The following FBN2 variants were observed in gnomAD, a reference collection of about 807,000 sequenced individuals.
FBN2 encodes the protein fibrillin-2.
A neutral mutation model predicts 355.6 loss-of-function variants in FBN2; 105 were observed. That is an observed-to-expected ratio of 0.30 (90% confidence interval 0.25 to 0.35). The LOEUF (loss-of-function observed/expected upper bound fraction) is 0.35. Ranked by LOEUF, FBN2 falls within the 10% of genes least tolerant of loss-of-function variation. The pLI is 1.00. For synonymous variants in FBN2, 1,350 were observed against 1,301.2 expected, an observed-to-expected ratio of 1.04 and a Z score of -0.81; for missense variants, 3,280 against 3,758.7, an observed-to-expected ratio of 0.87 and a Z score of 3.33.
chr5:128,354,505 A>G (rs1162909783), intron 20 of FBN2, among the ~76,000 whole-genome samples: 1 of 152,344 alleles, frequency 6.6e-6, no homozygotes, highest in South Asian at 2.1e-4. Context: ...AGGGCTGCCT[A>G]GTGGCTATGT....
chr5:128,507,572 T>C (rs528211692), intron 5 of FBN2, among the ~76,000 whole-genome samples: 32 of 152,196 alleles, frequency 2.1e-4, no homozygotes, highest in African/African-American at 7.7e-4. Flanking sequence ...TCCACATGCA[T>C]GGAACTCATG....
At chr5:128,443,435 C>A (rs2127051224) in intron 7 of FBN2, among the ~76,000 whole-genome samples, 1 of 152,216 alleles carries the variant, frequency 6.6e-6, no homozygotes, top group Non-Finnish European at 1.5e-5. Context: ...TTGTTTGGAG[C>A]CTACTAAACT....
chr5:128,305,924 G>A lies in FBN2; in HGVS notation c.5447C>T (p.Pro1816Leu), dbSNP rs149537608. Residue 1816 changes from proline (P) to leucine (L), a missense_variant, in exon 43 of 65, where the codon CCA becomes CTA. Physicochemically the swap from Pro to Leu is moderately conservative, Grantham distance 98 (BLOSUM62 -3). Coordinates refer to ENST00000262464, the MANE Select transcript of FBN2 (RefSeq NM_001999.4). ...GCACACACCATTTGCACAAATGCCT[G>A]GAATCTCTTTACATTCATCAATGTC... ...AVDIDECKEI[P>L]GICANGVCIN... 80 of 1,613,430 alleles carry A rather than the reference G, an allele frequency of 5.0e-5. No homozygotes were observed. The highest frequency in any genetic ancestry group is 1.0e-5 in the Non-Finnish European group (12 of 1,179,646).
At chr5:128,321,376 T>C (rs934336350) in intron 34 of FBN2, among the ~76,000 whole-genome samples, 2 of 152,188 alleles carry the variant, frequency 1.3e-5, no homozygotes, top group Non-Finnish European at 2.9e-5. Flanking sequence ...ATGTGTGCCA[T>C]GGTGGTTTGC....
At chr5:128,530,728 C>T in intron 2 of FBN2, 35 bp from the exon 3 acceptor site, 1 of 1,299,412 alleles carries the variant, frequency 7.7e-7, no homozygotes, top group South Asian at 1.2e-5. Flanking sequence ...GAATGAATAA[C>T]TATATAATAA....
chr5:128,288,298 CAAACAAAAAACCCAAA>C, intron 53 of FBN2, 124 bp downstream of exon 53: 8 of 907,434 alleles, frequency 8.8e-6, no homozygotes, highest in African/African-American at 1.7e-5. Context: ...ACCAACCAAC[CAAACAAAAAACCCAAA>C]AAACAAAAAA....
chr5:128,440,365 G>GTACAGGAAGCATGGCTAGGGAAGC (rs1343146912), intron 7 of FBN2, among the ~76,000 whole-genome samples: 2 of 152,144 alleles, frequency 1.3e-5, no homozygotes, highest in Non-Finnish European at 2.9e-5. Context: ...TCTGCAGGCA[G>GTACAGGAAGCATGGCTAGGGAAGC]TACAGGAAGC....
intron 15 of FBN2, chr5:128,371,193 T>G (rs1448684881): frequency 6.6e-6 from 1 of 152,156 alleles, no homozygotes; most frequent in African/African-American, 2.4e-5. Flanking sequence ...TTGAGATAAC[T>G]CACTATTTCC....
rs1194554199 is a variant in FBN2 at position 128,287,332 on chromosome 5, T to C, written c.6856A>G (p.Arg2286Gly). ...CCTTTGCACATCTTTTGATCTTCCC[T>C]GAGGGCATAGCCAATCGGGCACGTG... ...ECTCPIGYAL[R>G]EDQKMCKDLD... Residue 2286 changes from arginine (R) to glycine (G), a missense_variant, in exon 54 of 65, where the codon AGG becomes GGG. Arg to Gly is a moderately radical substitution (Grantham distance 125). Transcript: ENST00000262464. 1 of 1,614,042 alleles carries C rather than the reference T, an allele frequency of 6.2e-7. No homozygotes were observed. The highest frequency in any genetic ancestry group is 8.5e-7 in the Non-Finnish European group (1 of 1,179,910).
Position 128,318,120 on chromosome 5 carries a change from ATTTG to A in FBN2, c.4717+25_4717+28del, listed in dbSNP as rs1064795498. The A allele has an allele frequency of 2.5e-6, 4 of 1,611,014 alleles. No individual in the cohort carries two copies. The highest frequency in any genetic ancestry group is 1.1e-5 in the South Asian group (1 of 90,996). ...TCTGAATATTCAACTTGATAATTCT[ATTTG>A]TTTGTTTCATATAGCTTTACTTACC... On this transcript the variant is annotated intron_variant, in intron 36 of 64. Coordinates refer to ENST00000262464, the MANE Select transcript of FBN2 (RefSeq NM_001999.4).
rs1225747622 is a variant in FBN2, at chr5:128,310,390, ATATATATATATATTTTTTTT to A, written c.5075-302_5075-283del. On this transcript the variant is annotated intron_variant, in intron 39 of 64. Coordinates refer to ENST00000262464, the MANE Select transcript of FBN2 (RefSeq NM_001999.4). ...CATATATATATATATATATATATAT[ATATATATATATATTTTTTTT>A]TTTTTTTTTTTATTGCAATTCGCAT... is the stretch of plus-strand genomic sequence containing the variant. Among the ~76,000 whole-genome samples, 1,195 of 30,000 alleles carry A rather than the reference ATATATATATATATTTTTTTT, an allele frequency of 0.04. 27 individuals carry two copies. The highest frequency in any genetic ancestry group is 0.15 in the East Asian group (84 of 554). The allele number at this position is 30,000 out of a possible 152,430, so 19.7% of individuals were successfully genotyped here.
chr5:128,279,109 G>C (rs1201161898), intron 56 of FBN2, among the ~76,000 whole-genome samples: 3 of 152,148 alleles, frequency 2.0e-5, no homozygotes, highest in African/African-American at 4.8e-5. Flanking sequence ...AAATGATAGT[G>C]ACCTACCATT....
chr5:128,316,426 C>T (rs1750204487), intron 36 of FBN2, among the ~76,000 whole-genome samples: 1 of 152,134 alleles, frequency 6.6e-6, no homozygotes, highest in African/African-American at 2.4e-5. Context: ...ATTCCTATGG[C>T]ACTTTTGAGA....
In FBN2 at chr5:128,288,535, G is replaced by A. The variant is rs772096384; in HGVS notation, c.6660C>T (p.Gly2220=). 1 of 1,613,734 alleles carries A rather than the reference G, an allele frequency of 6.2e-7. No individual in the cohort carries two copies. The highest frequency in any genetic ancestry group is 8.5e-7 in the Non-Finnish European group (1 of 1,179,828). The change falls in exon 53 of 65, where the codon GGC becomes GGT. Residue 2220 remains glycine (G), a synonymous_variant. Coordinates refer to ENST00000262464, the MANE Select transcript of FBN2 (RefSeq NM_001999.4). ...RCVDTDECSI[G]NPCGNGTCTN... ...TGCATGTACCATTTCCACACGGATTGCCGATTGAACACTCATCAGTATCTG... is the reference window on the plus strand; with the variant it reads ...TGCATGTACCATTTCCACACGGATTACCGATTGAACACTCATCAGTATCTG...
chr5:128,318,363 G>C, intron 35 of FBN2, 92 bp from the exon 36 acceptor site: 1 of 1,307,076 alleles, frequency 7.7e-7, no homozygotes, highest in Non-Finnish European at 1.1e-6. Context: ...TTTTGCAAGT[G>C]AGTAGATTAA....
chr5:128,369,835 G>T (rs1055636069), intron 15 of FBN2, among the ~76,000 whole-genome samples: 36 of 152,126 alleles, frequency 2.4e-4, no homozygotes, highest in Non-Finnish European at 3.2e-4. Flanking sequence ...CCAGGATACT[G>T]CTTGTGACTG....
intron 32 of FBN2, 107 bp from the exon 33 acceptor site, chr5:128,330,802 T>C (rs1419120835): frequency 4.0e-6 from 5 of 1,261,420 alleles, no homozygotes; most frequent in Admixed American, 1.8e-5. Flanking sequence ...ATGACAGGCA[T>C]TTTAGTTTGC....
intron 5 of FBN2, among the ~76,000 whole-genome samples, chr5:128,488,768 G>T (rs1219481999): frequency 6.7e-6 from 1 of 149,892 alleles, no homozygotes; most frequent in Non-Finnish European, 1.5e-5. Context: ...TTTTGTCCTT[G>T]CGATAGTTTA....
At chr5:128,451,212 C>A (rs1754232429) in intron 6 of FBN2, among the ~76,000 whole-genome samples, 1 of 152,050 alleles carries the variant, frequency 6.6e-6, no homozygotes, top group African/African-American at 2.4e-5. Flanking sequence ...CTCCTATTAG[C>A]TATATCTATT....
Sources: allele counts gnomAD v4.1 joint callset (sites outside exome capture counted in the v4.1 genomes callset), GRCh38; gene constraint gnomAD v4.1.1; transcripts MANE v1.5; gene names NCBI Gene and HGNC (gene_info 2026-07-23, HGNC 2026-07-21).